The following KCMF1 variants were observed in gnomAD, a reference collection of about 807,000 sequenced individuals.
KCMF1 encodes E3 ubiquitin-protein ligase KCMF1.
A neutral mutation model predicts 41.1 loss-of-function variants in KCMF1; 3 were observed. That is an observed-to-expected ratio of 0.07 (90% confidence interval 0.03 to 0.19). KCMF1 has a LOEUF of 0.19. Among genes scored for constraint, KCMF1 ranks in the 10% least tolerant of loss-of-function variants. KCMF1 has a pLI of 1.00. For missense variants in KCMF1, 286 were observed against 488.9 expected, an observed-to-expected ratio of 0.58 and a Z score of 3.91; for synonymous variants, 142 against 164.5, an observed-to-expected ratio of 0.86 and a Z score of 1.04.
intron 1 of KCMF1, among the ~76,000 whole-genome samples, chr2:84,979,798 A>G (rs1355756138): frequency 2.0e-5 from 3 of 152,122 alleles, no homozygotes; most frequent in African/African-American, 7.2e-5. Flanking sequence ...TAAGCAGTAT[A>G]CAGATCAGAG....
chr2:85,043,856 T>A (rs1372938004), intron 4 of KCMF1, among the ~76,000 whole-genome samples, 191 bp downstream of exon 4: 1 of 152,196 alleles, frequency 6.6e-6, no homozygotes, highest in Non-Finnish European at 1.5e-5. Context: ...ATCCAGCTTG[T>A]CATTTTGATT....
chr2:84,984,825 A>AAAAG (rs535946994), intron 1 of KCMF1, among the ~76,000 whole-genome samples: 107 of 148,968 alleles, frequency 7.2e-4, no homozygotes, highest in South Asian at 3.3e-3. Context: ...CTCTGTCTCA[A>AAAAG]AAAGAAAGAA....
At chr2:84,987,080 A>C (rs1673920307) in intron 1 of KCMF1, among the ~76,000 whole-genome samples, 1 of 152,224 alleles carries the variant, frequency 6.6e-6, no homozygotes. Context: ...TTTCTAAATT[A>C]GATAAAGCAC....
rs142230710 is a variant in KCMF1, at chr2:85,024,996, A to G, written c.17-2893A>G. ...TTTATTATTTGTTATGGTGTTACTTATTATTTATTAGTTTAGCTCTTGATA... is the reference window on the plus strand; with the variant it reads ...TTTATTATTTGTTATGGTGTTACTTGTTATTTATTAGTTTAGCTCTTGATA... On this transcript the variant is annotated intron_variant, in intron 1 of 6. Coordinates refer to ENST00000409785, the MANE Select transcript of KCMF1 (RefSeq NM_020122.5). Among the ~76,000 whole-genome samples the G allele has an allele frequency of 3.9e-4, 60 of 152,150 alleles. 1 individual carries two copies. The highest frequency in any genetic ancestry group is 1.3e-3 in the African/African-American group (56 of 41,506).
At chr2:85,007,583 G>A (rs1674503395) in intron 1 of KCMF1, among the ~76,000 whole-genome samples, 1 of 152,168 alleles carries the variant, frequency 6.6e-6, no homozygotes, top group Admixed American at 6.5e-5. Flanking sequence ...GAGATCAGCT[G>A]AACCTTTTTC....
chr2:84,973,825 C>CTTTTTTTTTTTTTTTTT (rs1238178193), intron 1 of KCMF1, among the ~76,000 whole-genome samples: 34 of 110,250 alleles, frequency 3.1e-4, no homozygotes, highest in Non-Finnish European at 4.5e-4. Flanking sequence ...TTATTTCTTT[C>CTTTTTTTTTTTTTTTTT]TTTTTTTTTT....
In KCMF1 at chr2:84,971,482, C is replaced by T; in HGVS notation, c.16+15C>T. The T allele has an allele frequency of 7.2e-6, 9 of 1,250,032 alleles. No individual in the cohort carries two copies. The highest frequency in any genetic ancestry group is 1.6e-5 in the African/African-American group (1 of 62,780). 77.4% of individuals were successfully genotyped at this position (1,250,032 alleles called of 1,614,324 possible). A position where few individuals can be genotyped will look rare whatever the true frequency, so the allele number is the denominator to read the frequency against. ...CCGACATGAAGGTGAGAGGAGCCCC[C>T]GCCCCCACCCGCACCTCCCGGGCCT... On this transcript the variant is annotated intron_variant, in intron 1 of 6. Coordinates refer to ENST00000409785, the MANE Select transcript of KCMF1 (RefSeq NM_020122.5).
intron 1 of KCMF1, among the ~76,000 whole-genome samples, chr2:84,988,352 T>TA (rs1673954046): frequency 6.6e-6 from 1 of 152,218 alleles, no homozygotes; most frequent in South Asian, 2.1e-4. Context: ...ATTGAATACT[T>TA]ACTATGTGCC....
rs549272826 is a variant in KCMF1 at position 85,014,721 on chromosome 2, G to A, written c.17-13168G>A. Among the ~76,000 whole-genome samples the A allele has an allele frequency of 2.7e-4, 39 of 143,790 alleles. 2 individuals are homozygous for A. The Middle Eastern group carries it at 0.014, about 51-fold the overall frequency. The allele number at this position is 143,790 out of a possible 152,430, so 94.3% of individuals were successfully genotyped here. A position where few individuals can be genotyped will look rare whatever the true frequency, so the allele number is the denominator to read the frequency against. On this transcript the variant is annotated intron_variant, in intron 1 of 6. Coordinates refer to ENST00000409785, the MANE Select transcript of KCMF1 (RefSeq NM_020122.5). ...TACTGGCGCGCGCGTGCGTGCGTGC[G>A]TGCGTGTGTGTGTGTGTGTGTGTGT...
chr2:85,000,623 T>C (rs6740777), intron 1 of KCMF1, among the ~76,000 whole-genome samples: 3,736 of 152,306 alleles, frequency 0.025, 153 homozygotes, highest in African/African-American at 0.085. Context: ...TTTTCTGGAA[T>C]GTTAAACAGT....
At chr2:85,021,955 T>C (rs1674955719) in intron 1 of KCMF1, among the ~76,000 whole-genome samples, 1 of 151,968 alleles carries the variant, frequency 6.6e-6, no homozygotes, top group Non-Finnish European at 1.5e-5. Context: ...TAGCTGGGAT[T>C]ACAGGTGCCT....
intron 1 of KCMF1, among the ~76,000 whole-genome samples, chr2:84,993,056 A>G (rs182961928): frequency 6.6e-6 from 1 of 151,882 alleles, no homozygotes; most frequent in African/African-American, 2.4e-5. Context: ...GCATGGTGGC[A>G]CATGCCTGTA....
chr2:85,053,627 A>G lies in KCMF1; in HGVS notation c.*218A>G, dbSNP rs1675860395. The stretch of plus-strand genomic sequence containing the variant: ...AAATGTAGGTAGCAGTGCAGGGGTG[A>G]TCTCTGCTTCCTGTACCTTGACATG... On this transcript the variant is annotated 3_prime_UTR_variant, in exon 7 of 7. Transcript: ENST00000409785. 1.9e-6 allele frequency: 1 copy of G among 513,972 alleles called. No individual in the cohort carries two copies. 31.8% of individuals were successfully genotyped at this position (513,972 alleles called of 1,614,324 possible).
chr2:85,036,709 T>A (rs1675410305), intron 3 of KCMF1, among the ~76,000 whole-genome samples: 1 of 151,718 alleles, frequency 6.6e-6, no homozygotes, highest in Non-Finnish European at 1.5e-5. Flanking sequence ...GGAGAATTGC[T>A]TGAGCTCAGG....
chr2:85,023,659 C>T (rs1383673182), intron 1 of KCMF1, among the ~76,000 whole-genome samples: 2 of 152,128 alleles, frequency 1.3e-5, no homozygotes, highest in African/African-American at 2.4e-5. Flanking sequence ...CAAAAACTGC[C>T]GTCAACATTC....
chr2:85,031,634 A>C (rs1276540842), intron 2 of KCMF1, among the ~76,000 whole-genome samples: 1 of 152,228 alleles, frequency 6.6e-6, no homozygotes, highest in Non-Finnish European at 1.5e-5. Context: ...GGTGTATTAA[A>C]TGCATTTTCA....
intron 3 of KCMF1, among the ~76,000 whole-genome samples, chr2:85,036,184 A>C (rs1216280180): frequency 6.6e-6 from 1 of 152,154 alleles, no homozygotes; most frequent in Non-Finnish European, 1.5e-5. Flanking sequence ...ACAGTAGGTA[A>C]ATTTATTTTT....
chr2:85,036,354 A>G (rs1303796042), intron 3 of KCMF1, among the ~76,000 whole-genome samples: 1 of 152,206 alleles, frequency 6.6e-6, no homozygotes, highest in African/African-American at 2.4e-5. Context: ...TACAGTATGA[A>G]GAATCCTAAC....
At chr2:85,008,291 T>TATATATATAATATGATATATATATA (rs1558573371) in intron 1 of KCMF1, among the ~76,000 whole-genome samples, 1 of 14,624 alleles carries the variant, frequency 6.8e-5, no homozygotes, top group Non-Finnish European at 1.7e-4. Context: ...TGATATATAA[T>TATATATATAATATGATATATATATA]ATATATAATA....
Sources: allele counts gnomAD v4.1 joint callset (sites outside exome capture counted in the v4.1 genomes callset), GRCh38; gene constraint gnomAD v4.1.1; transcripts MANE v1.5; gene names NCBI Gene and HGNC (gene_info 2026-07-23, HGNC 2026-07-21).